ARHGAP30: variants seen among roughly 807,000 people sequenced by gnomAD.
The protein encoded by ARHGAP30 is Rho GTPase activating protein 30.
In ARHGAP30, 23 loss-of-function variants were observed where a neutral mutation model predicts 72.0. The observed-to-expected ratio is 0.32, with a 90% CI of 0.23 to 0.45. The LOEUF (loss-of-function observed/expected upper bound fraction) is 0.45, where lower values mean the gene tolerates loss of function less well. Ranked by LOEUF, ARHGAP30 falls within the 20% of genes least tolerant of loss-of-function variation. The pLI is 1.00. For missense variants in ARHGAP30, 1,319 were observed against 1,383.4 expected, an observed-to-expected ratio of 0.95 and a Z score of 0.74; for synonymous variants, 576 against 528.2, an observed-to-expected ratio of 1.09 and a Z score of -1.24.
chr1:161,049,278 C>G lies in ARHGAP30; in HGVS notation c.1743G>C (p.Gln581His), dbSNP rs1227293727. The G allele has an allele frequency of 6.2e-7, 1 of 1,614,018 alleles. No homozygotes were observed. Among genetic ancestry groups the G allele is most frequent in the Non-Finnish European group, 8.5e-7 (1 of 1,180,028 alleles). The change falls in exon 12 of 12, where the codon CAG becomes CAC. Residue 581 changes from glutamine to histidine, a missense_variant. Around this residue, in one of 2 missense-constraint regions of ARHGAP30, gnomAD observed 1,097 missense variants for 1,045.2 expected, o/e 1.05. Transcript: ENST00000368013. ...AACAGCAGCTGGGGGCCAAGACAAACTGTGCCTCATCCAGAGACAGGTCAT... is the reference window on the plus strand; with the variant it reads ...AACAGCAGCTGGGGGCCAAGACAAAGTGTGCCTCATCCAGAGACAGGTCAT... ...PLDDLSLDEA[Q>H]FVLAPSCCSL...
Position 161,047,108 on chromosome 1 carries a change from C to A in ARHGAP30, c.*607G>T. 2.7e-6 allele frequency: 1 copy of A among 370,474 alleles called. No individual in the cohort carries two copies. Among genetic ancestry groups the A allele is most frequent in the Middle Eastern group, 3.9e-4 (1 of 2,576 alleles). The allele number at this position is 370,474 out of a possible 1,614,324, so 22.9% of individuals were successfully genotyped here. Reference sequence around the variant, plus strand: ...AGGAGAAAGGAGAGCCCAGAGAGATCTGTACAGGACCTCTCTTGCACATGG... The same window carrying A: ...AGGAGAAAGGAGAGCCCAGAGAGATATGTACAGGACCTCTCTTGCACATGG... On this transcript the variant is annotated 3_prime_UTR_variant, in exon 12 of 12. Transcript: ENST00000368013.
At chr1:161,065,868 C>CTTATTTAG (rs1652721386) in intron 1 of ARHGAP30, among the ~76,000 whole-genome samples, 2 of 133,174 alleles carry the variant, frequency 1.5e-5, no homozygotes, top group African/African-American at 5.9e-5. Context: ...CACCCGGCCC[C>CTTATTTAG]TTATTTATTT....
chr1:161,054,992 C>T (rs12728349), intron 3 of ARHGAP30, among the ~76,000 whole-genome samples: 74,872 of 151,886 alleles, frequency 0.49, 20,156 homozygotes, highest in Non-Finnish European at 0.62. Context: ...ACTTCAGTGG[C>T]GCCACCCTGT....
Position 161,048,370 on chromosome 1 carries a change from T to A in ARHGAP30, c.2651A>T (p.Glu884Val), listed in dbSNP as rs1022424712. 6.2e-7 allele frequency: 1 copy of A among 1,614,110 alleles called. No homozygotes were observed. The highest frequency in any genetic ancestry group is 8.5e-7 in the Non-Finnish European group (1 of 1,180,010). The change falls in exon 12 of 12, where the codon GAG becomes GTG. Residue 884 changes from glutamate (E) to valine (V), a missense_variant. Physicochemically the swap from Glu to Val is moderately radical, Grantham distance 121. Transcript: ENST00000368013. Reference sequence around the variant, plus strand: ...TGGCTGTGGGGCTACCTCTTCCATCTCAGAAGAGTGAGGATTGCCCTCTTT... The same window carrying A: ...TGGCTGTGGGGCTACCTCTTCCATCACAGAAGAGTGAGGATTGCCCTCTTT... ...CAKEGNPHSS[E>V]MEEVAPQPPQ...
At chr1:161,052,399 G>A in intron 8 of ARHGAP30, 36 bp from the exon 9 acceptor site, 1 of 1,613,836 alleles carries the variant, frequency 6.2e-7, no homozygotes, top group Non-Finnish European at 8.5e-7. Flanking sequence ...CCAGGGCCTT[G>A]TGCACCCTCA....
rs189014703 is a variant in ARHGAP30, at chr1:161,061,341, T to G, written c.98-1625A>C. ...CCACCACGCCCAGCTAATTTTTGTA[T>G]TTTTAGTAGAGACCGGGTTTCACCA... On this transcript the variant is annotated intron_variant, in intron 1 of 11. Coordinates refer to ENST00000368013, the MANE Select transcript of ARHGAP30 (RefSeq NM_001025598.2). Among the ~76,000 whole-genome samples, 618 of 152,010 alleles carry G rather than the reference T, an allele frequency of 4.1e-3. 4 individuals are homozygous for G. The highest frequency in any genetic ancestry group is 0.02 in the Middle Eastern group (6 of 294).
chr1:161,051,819 A>G (rs1333337797), intron 9 of ARHGAP30, 104 bp from the exon 10 acceptor site: 3 of 1,439,336 alleles, frequency 2.1e-6, no homozygotes, highest in Admixed American at 2.9e-5. Context: ...TCAGGCTTGA[A>G]AGCAACGATA....
At position 161,052,547 on chromosome 1, in the gene ARHGAP30, C is replaced by T. The variant is rs1234640408; in HGVS notation, c.837-4G>A. On this transcript the variant is annotated splice_polypyrimidine_tract_variant and splice_region_variant and intron_variant, in intron 7 of 11. Coordinates refer to ENST00000368013, the MANE Select transcript of ARHGAP30 (RefSeq NM_001025598.2). ...GACCTTCAAAGACCCCTTCCTCCTA[C>T]AAAGAATGGAGGGGCATAATTGGAG... The T allele has an allele frequency of 6.2e-7, 1 of 1,613,862 alleles. No homozygotes were observed. The highest frequency in any genetic ancestry group is 8.5e-7 in the Non-Finnish European group (1 of 1,180,028).
Position 161,047,821 on chromosome 1 carries a change from C to A in ARHGAP30, c.3200G>T (p.Ser1067Ile). ...AEGSGSRSRL[S>I]LPPREPQVPD... Reference sequence around the variant, plus strand: ...AACCTGGGGTTCTCTGGGGGGCAGACTAAGACGACTCCGGGATCCAGACCC... The same window carrying A: ...AACCTGGGGTTCTCTGGGGGGCAGAATAAGACGACTCCGGGATCCAGACCC... Residue 1067 changes from serine (S) to isoleucine (I), a missense_variant, in exon 12 of 12, where the codon AGT (serine) becomes ATT (isoleucine). Physicochemically the swap from Ser to Ile is moderately radical, Grantham distance 142 (BLOSUM62 -2). Around this residue, in one of 2 missense-constraint regions of ARHGAP30, gnomAD observed 1,097 missense variants for 1,045.2 expected, o/e 1.05. Transcript: ENST00000368013. 1.2e-6 allele frequency: 2 copies of A among 1,610,020 alleles called. No homozygotes were observed. Among genetic ancestry groups the A allele is most frequent in the South Asian group, 2.2e-5 (2 of 90,480 alleles).
chr1:161,058,872 A>AAG (rs1652107330), intron 2 of ARHGAP30, among the ~76,000 whole-genome samples: 1 of 151,062 alleles, frequency 6.6e-6, no homozygotes, highest in East Asian at 2.0e-4. Context: ...AAAAAAAAAA[A>AAG]AAGAAAGAAA....
intron 3 of ARHGAP30, 130 bp downstream of exon 3, chr1:161,056,258 G>A: frequency 5.4e-6 from 7 of 1,307,690 alleles, no homozygotes; most frequent in South Asian, 4.6e-5. Flanking sequence ...CTTTTCCCCG[G>A]TAAGTTTTTC....
At chr1:161,056,594 C>T in intron 2 of ARHGAP30, 62 bp from the exon 3 acceptor site, 1 of 1,562,610 alleles carries the variant, frequency 6.4e-7, no homozygotes, top group Non-Finnish European at 8.7e-7. Context: ...AGAGGTGGGT[C>T]CCTATAGAGA....
Position 161,049,497 on chromosome 1 carries a change from C to G in ARHGAP30, c.1613G>C (p.Gly538Ala). The stretch of plus-strand genomic sequence containing the variant: ...GTCCTCCCCAGGGGAGAAGGCTGCT[C>G]CTGCTGCTTCTGCCTGGGCCACCTC... ...DGEVAQAEAA[G>A]AAFSPGEDDP... Residue 538 changes from glycine (G) to alanine (A), a missense_variant, in exon 11 of 12, where the codon GGA becomes GCA. Gly to Ala is a moderately conservative substitution (Grantham distance 60). Transcript: ENST00000368013. The G allele has an allele frequency of 1.2e-6, 2 of 1,614,112 alleles. No individual in the cohort carries two copies. Among genetic ancestry groups the G allele is most frequent in the South Asian group, 2.2e-5 (2 of 91,080 alleles).
intron 1 of ARHGAP30, among the ~76,000 whole-genome samples, chr1:161,062,471 G>A (rs1350170214): frequency 2.0e-5 from 3 of 152,066 alleles, no homozygotes; most frequent in African/African-American, 7.2e-5. Flanking sequence ...GCTCACACCT[G>A]TAATCCCACC....
At chr1:161,068,998 C>T (rs1026242003) in intron 1 of ARHGAP30, among the ~76,000 whole-genome samples, 15 of 152,174 alleles carry the variant, frequency 9.9e-5, no homozygotes, top group Non-Finnish European at 4.4e-5. Context: ...CCGACATCAT[C>T]CCCTGCGGCC....
Position 161,047,628 on chromosome 1 carries a change from C to T in ARHGAP30, c.*87G>A. ...CCTATAGAGTTGGGCACTACAGCTG[C>T]TCATGCTGCAGAGGAGACAGCTAGT... On this transcript the variant is annotated 3_prime_UTR_variant, in exon 12 of 12. Transcript: ENST00000368013. 7.1e-7 allele frequency: 1 copy of T among 1,398,842 alleles called. No individual in the cohort carries two copies. The highest frequency in any genetic ancestry group is 9.6e-7 in the Non-Finnish European group (1 of 1,046,738). 86.7% of individuals were successfully genotyped at this position (1,398,842 alleles called of 1,614,324 possible). A position where few individuals can be genotyped will look rare whatever the true frequency, so the allele number is the denominator to read the frequency against.
chr1:161,052,867 C>T, intron 6 of ARHGAP30, 70 bp from the exon 7 acceptor site: 2 of 1,551,910 alleles, frequency 1.3e-6, no homozygotes, highest in Non-Finnish European at 1.7e-6. Flanking sequence ...CCCAATCCTT[C>T]ATCACCCCTC....
In ARHGAP30 at chr1:161,047,058, C is replaced by G. The variant is rs747195384; in HGVS notation, c.*657G>C. On this transcript the variant is annotated 3_prime_UTR_variant, in exon 12 of 12. Transcript: ENST00000368013. The stretch of plus-strand genomic sequence containing the variant: ...GCCTGAGTGACACCATTTCCCTTTC[C>G]TGAAATAGGAACAAGTTATTCCAAA... The G allele has an allele frequency of 8.2e-5, 37 of 453,818 alleles. 1 individual carries two copies. The highest frequency in any genetic ancestry group is 7.2e-4 in the African/African-American group (35 of 48,832). 28.1% of individuals were successfully genotyped at this position (453,818 alleles called of 1,614,324 possible).
intron 9 of ARHGAP30, 116 bp from the exon 10 acceptor site, chr1:161,051,831 C>T: frequency 7.0e-7 from 1 of 1,436,354 alleles, no homozygotes; most frequent in Non-Finnish European, 9.1e-7. Flanking sequence ...GCAACGATAG[C>T]CTGGAAGGCA....
Sources: allele counts gnomAD v4.1 joint callset (sites outside exome capture counted in the v4.1 genomes callset), GRCh38; gene constraint gnomAD v4.1.1; regional missense constraint gnomAD v4.1.1; transcripts MANE v1.5; gene names NCBI Gene and HGNC (gene_info 2026-07-23, HGNC 2026-07-21).